PDCD6IP: variants seen among roughly 807,000 people sequenced by gnomAD.
PDCD6IP encodes the protein programmed cell death 6 interacting protein.
A neutral mutation model predicts 103.7 loss-of-function variants in PDCD6IP; 43 were observed. The observed-to-expected ratio is 0.41, with a 90% CI of 0.32 to 0.53. The LOEUF is 0.53. Among genes scored for constraint, PDCD6IP ranks in the 20% least tolerant of loss-of-function variants. PDCD6IP has a pLI of 0.16. For missense variants in PDCD6IP, 871 were observed against 1,036.7 expected (o/e 0.84, Z 2.20); for synonymous variants, 354 against 378.7 (o/e 0.93, Z 0.76).
At chr3:33,843,816 T>G (rs2125567515) in intron 10 of PDCD6IP, among the ~76,000 whole-genome samples, 1 of 152,174 alleles carries the variant, frequency 6.6e-6, no homozygotes, top group Admixed American at 6.5e-5. Context: ...TTTATTTATT[T>G]TAATCTTAAA....
intron 12 of PDCD6IP, among the ~76,000 whole-genome samples, chr3:33,850,323 G>C (rs2125571658): frequency 6.7e-6 from 1 of 149,150 alleles, no homozygotes; most frequent in East Asian, 2.0e-4. Context: ...CACTTTGTTA[G>C]ACCCATTTGT....
chr3:33,851,687 G>A (rs540037463), intron 12 of PDCD6IP, among the ~76,000 whole-genome samples: 6 of 151,892 alleles, frequency 4.0e-5, no homozygotes, highest in African/African-American at 1.5e-4. Flanking sequence ...TGCCTAGGCT[G>A]ATCTCGAACT....
chr3:33,818,440 C>T (rs1696910815), intron 3 of PDCD6IP, among the ~76,000 whole-genome samples: 1 of 150,520 alleles, frequency 6.6e-6, no homozygotes, highest in Non-Finnish European at 1.5e-5. Context: ...TCTCTCCTGC[C>T]ACACTGGCCT....
At chr3:33,841,091 G>A (rs1194955226) in intron 9 of PDCD6IP, among the ~76,000 whole-genome samples, 1 of 149,890 alleles carries the variant, frequency 6.7e-6, no homozygotes, top group African/African-American at 2.5e-5. Context: ...GCAGTGGTGA[G>A]ATCTTGGCTC....
chr3:33,837,452 C>T (rs1697374798), intron 8 of PDCD6IP, among the ~76,000 whole-genome samples: 1 of 152,074 alleles, frequency 6.6e-6, no homozygotes, highest in African/African-American at 2.4e-5. Flanking sequence ...TCAGAAGTGC[C>T]CTGAGATGGG....
intron 4 of PDCD6IP, 93 bp downstream of exon 4, chr3:33,822,175 G>C: frequency 3.9e-6 from 5 of 1,276,350 alleles, no homozygotes; most frequent in Non-Finnish European, 5.6e-6. Context: ...TACTTCTTAC[G>C]CAACAGATGT....
chr3:33,852,150 A>G (rs1697728071), intron 12 of PDCD6IP, among the ~76,000 whole-genome samples: 1 of 152,200 alleles, frequency 6.6e-6, no homozygotes, highest in African/African-American at 2.4e-5. Context: ...CGTTATCCCT[A>G]TCTTTGGAAT....
At chr3:33,845,339 T>G in intron 11 of PDCD6IP, 80 bp from the exon 12 acceptor site, 1 of 1,040,054 alleles carries the variant, frequency 9.6e-7, no homozygotes. Context: ...AGTTGGAGAC[T>G]AGAACTCAAC....
In PDCD6IP at chr3:33,852,581, G is replaced by C; in HGVS notation, c.1735G>C (p.Asp579His). ...GAATGACTTGAAATCTGTGAATTTT[G>C]ACATGACAAGCAAGTTTTTGACAGC... ...LENDLKSVNF[D>H]MTSKFLTALA... Residue 579 changes from aspartate to histidine, a missense_variant, in exon 13 of 18, where the codon GAC becomes CAC. By Grantham distance (81) the Asp-to-His change is moderately conservative. Coordinates refer to ENST00000307296, the MANE Select transcript of PDCD6IP (RefSeq NM_013374.6). 6.3e-7 allele frequency: 1 copy of C among 1,589,502 alleles called. No individual in the cohort carries two copies. Among genetic ancestry groups the C allele is most frequent in the Non-Finnish European group, 8.5e-7 (1 of 1,172,006 alleles).
chr3:33,829,117 A>C, intron 7 of PDCD6IP, 148 bp downstream of exon 7: 2 of 464,488 alleles, frequency 4.3e-6, no homozygotes, highest in South Asian at 1.6e-4. Flanking sequence ...TTTAGACTTT[A>C]CTGCATGTTT....
intron 1 of PDCD6IP, among the ~76,000 whole-genome samples, chr3:33,805,367 A>AT (rs1229819046): frequency 6.6e-6 from 1 of 151,832 alleles, no homozygotes; most frequent in East Asian, 1.9e-4. Flanking sequence ...AAAAAAAAAA[A>AT]AAATTTTTTT....
chr3:33,839,284 A>G (rs936311193), intron 9 of PDCD6IP, among the ~76,000 whole-genome samples: 2 of 152,230 alleles, frequency 1.3e-5, no homozygotes, highest in African/African-American at 4.8e-5. Flanking sequence ...TTTTTATACA[A>G]TTTAAAACAC....
intron 9 of PDCD6IP, among the ~76,000 whole-genome samples, chr3:33,840,688 CTG>C (rs2125565366): frequency 6.9e-6 from 1 of 145,140 alleles, no homozygotes; most frequent in South Asian, 2.3e-4. Context: ...CATCATGTAA[CTG>C]AAATAACTGA....
At chr3:33,855,113 C>G in intron 14 of PDCD6IP, 53 bp from the exon 15 acceptor site, 1 of 1,110,742 alleles carries the variant, frequency 9.0e-7, no homozygotes, top group Non-Finnish European at 1.4e-6. Flanking sequence ...ACATTACTCT[C>G]TGGATTAAAA....
At position 33,828,921 on chromosome 3, in the gene PDCD6IP, C is replaced by G; in HGVS notation, c.786C>G (p.Ile262Met). 2 of 1,610,152 alleles carry G rather than the reference C, an allele frequency of 1.2e-6. No homozygotes were observed. Among genetic ancestry groups the G allele is most frequent in the South Asian group, 1.1e-5 (1 of 90,470 alleles). Residue 262 changes from isoleucine to methionine, a missense_variant, in exon 7 of 18, where the codon ATC becomes ATG. Physicochemically the swap from Ile to Met is conservative, Grantham distance 10. This residue lies in a region of PDCD6IP where 242 missense variants were observed against 250.7 expected (regional missense o/e 0.97). Coordinates refer to ENST00000307296, the MANE Select transcript of PDCD6IP (RefSeq NM_013374.6). ...CCAATGCTGAGTACCATCAGTCTAT[C>G]CTGGCAAAACAGCAGAAGAAATTTG... ...MQANAEYHQS[I>M]LAKQQKKFGE... is the part of the protein sequence containing the mutation.
chr3:33,825,371 G>GAAAAAAAAA, intron 5 of PDCD6IP, 31 bp downstream of exon 5: 1 of 1,539,326 alleles, frequency 6.5e-7, no homozygotes, highest in Admixed American at 2.1e-5. Flanking sequence ...TGTTGCATGT[G>GAAAAAAAAA]AAAAAAAGTG....
intron 5 of PDCD6IP, among the ~76,000 whole-genome samples, chr3:33,826,029 A>G (rs879595728): frequency 6.6e-6 from 1 of 152,172 alleles, no homozygotes; most frequent in Non-Finnish European, 1.5e-5. Context: ...GAGATTGAAA[A>G]TGGGCTGAAT....
At chr3:33,854,154 T>C in intron 14 of PDCD6IP, 141 bp downstream of exon 14, 2 of 869,256 alleles carry the variant, frequency 2.3e-6, no homozygotes, top group Non-Finnish European at 3.3e-6. Context: ...GCTGCGAAGT[T>C]TGTTATAGGA....
chr3:33,844,153 T>A lies in PDCD6IP; in HGVS notation c.1401T>A (p.Asp467Glu). Residue 467 changes from aspartate to glutamate, a missense_variant, in exon 11 of 18, where the codon GAT becomes GAA. This residue lies in a region of PDCD6IP where 266 missense variants were observed against 390.5 expected (regional missense o/e 0.68). Coordinates refer to ENST00000307296, the MANE Select transcript of PDCD6IP (RefSeq NM_013374.6). ...ATGAAGAAGAAGCAACCGATAATGA[T>A]TTAAGAGCAAAATTTAAGGAACGTT... ...LLDEEEATDN[D>E]LRAKFKERWQ... The A allele has an allele frequency of 6.2e-7, 1 of 1,608,692 alleles. No homozygotes were observed. The highest frequency in any genetic ancestry group is 2.2e-5 in the East Asian group (1 of 44,588).
Sources: gnomAD v4.1 joint callset for allele counts (sites outside exome capture counted in the v4.1 genomes callset) on GRCh38, gnomAD v4.1.1 for gene constraint, gnomAD v4.1.1 regional missense constraint, MANE v1.5 for transcripts, NCBI Gene and HGNC (gene_info 2026-07-23, HGNC 2026-07-21) for gene names.